Variants in RABGAP1L observed in about 807,000 individuals in gnomAD.
RABGAP1L encodes the protein RAB GTPase activating protein 1 like.
A neutral mutation model predicts 137.7 loss-of-function variants in RABGAP1L; 63 were observed. The ratio of observed to expected loss-of-function variants is 0.46; its 90% confidence interval spans 0.37 to 0.56. The LOEUF (loss-of-function observed/expected upper bound fraction) is 0.56. Among genes scored for constraint, RABGAP1L ranks in the 20% least tolerant of loss-of-function variants. RABGAP1L has a pLI of 0.00. For missense variants in RABGAP1L, 1,095 were observed against 1,244.0 expected, an observed-to-expected ratio of 0.88 and a Z score of 1.80; for synonymous variants, 431 against 433.7, an observed-to-expected ratio of 0.99 and a Z score of 0.08.
intron 19 of RABGAP1L, among the ~76,000 whole-genome samples, chr1:174,944,863 C>A (rs566727127): frequency 6.6e-6 from 1 of 152,200 alleles, no homozygotes; most frequent in East Asian, 1.9e-4. Flanking sequence ...ACATTAGTTT[C>A]AAATTAAATT....
intron 13 of RABGAP1L, among the ~76,000 whole-genome samples, chr1:174,472,650 T>C (rs1327691703): frequency 6.6e-6 from 1 of 152,180 alleles, no homozygotes; most frequent in Non-Finnish European, 1.5e-5. Flanking sequence ...TGTGAAAGTA[T>C]GGTAAAGTGT....
chr1:174,982,314 G>A (rs1671211462), intron 23 of RABGAP1L, among the ~76,000 whole-genome samples: 2 of 152,062 alleles, frequency 1.3e-5, no homozygotes. Flanking sequence ...GCCGCGGTGT[G>A]TGATGTTCCC....
At chr1:174,730,213 A>G (rs1374373396) in intron 17 of RABGAP1L, among the ~76,000 whole-genome samples, 2 of 152,308 alleles carry the variant, frequency 1.3e-5, no homozygotes, top group African/African-American at 4.8e-5. Flanking sequence ...CAGAAAGCCC[A>G]ATGCCTCATA....
Position 174,962,199 on chromosome 1 carries a change from C to A in RABGAP1L, c.2433+4650C>A, listed in dbSNP as rs865812651. 9.1e-4 allele frequency among the ~76,000 whole-genome samples: 113 copies of A among 123,968 alleles called. 9 individuals carry two copies. Among genetic ancestry groups the A allele is most frequent in the South Asian group, 8.4e-3 (29 of 3,448 alleles). 81.3% of individuals were successfully genotyped at this position (123,968 alleles called of 152,430 possible). A position where few individuals can be genotyped will look rare whatever the true frequency, so the allele number is the denominator to read the frequency against. On this transcript the variant is annotated intron_variant, in intron 20 of 25. Transcript: ENST00000681986. ...CAAAAAATAAAAATAAAAATACACC[C>A]CCCCCCCACACACACACACAGCTAG... is the stretch of plus-strand genomic sequence containing the variant.
chr1:174,808,710 A>G (rs1018636783), intron 18 of RABGAP1L, among the ~76,000 whole-genome samples: 5 of 150,716 alleles, frequency 3.3e-5, no homozygotes, highest in South Asian at 2.1e-4. Context: ...CTGGAGTGCA[A>G]TGGTGCAGTC....
chr1:174,635,902 A>C (rs1433412857), intron 13 of RABGAP1L, among the ~76,000 whole-genome samples: 2 of 152,284 alleles, frequency 1.3e-5, no homozygotes, highest in East Asian at 3.9e-4. Context: ...GAGAAAGAAA[A>C]ATGGCATTCA....
chr1:174,967,369 ACT>A (rs1250160185), intron 20 of RABGAP1L, among the ~76,000 whole-genome samples: 1 of 144,682 alleles, frequency 6.9e-6, no homozygotes, highest in Non-Finnish European at 1.5e-5. Flanking sequence ...AGTCTCACTA[ACT>A]CTGTCACCTA....
intron 12 of RABGAP1L, among the ~76,000 whole-genome samples, chr1:174,384,788 A>G (rs573194933): frequency 4.8e-4 from 73 of 152,300 alleles, no homozygotes; most frequent in African/African-American, 1.7e-3. Flanking sequence ...TAGGTGCTCA[A>G]TTCATATTTA....
chr1:174,276,109 A>C (rs1278355900), intron 9 of RABGAP1L, among the ~76,000 whole-genome samples, 174 bp downstream of exon 9: 1 of 152,094 alleles, frequency 6.6e-6, no homozygotes, highest in Non-Finnish European at 1.5e-5. Context: ...CCACTATTTA[A>C]AAAAATCCTC....
chr1:174,528,175 G>A (rs1318696359), intron 13 of RABGAP1L, among the ~76,000 whole-genome samples: 36 of 151,646 alleles, frequency 2.4e-4, no homozygotes, highest in Admixed American at 2.4e-3. Flanking sequence ...ACATTTTGTT[G>A]CTGTCATATA....
At chr1:174,398,963 TAATA>T (rs1277082127) in intron 13 of RABGAP1L, among the ~76,000 whole-genome samples, 1 of 152,190 alleles carries the variant, frequency 6.6e-6, no homozygotes, top group Non-Finnish European at 1.5e-5. Flanking sequence ...TCAGTTAGTA[TAATA>T]AATATTTTCA....
intron 13 of RABGAP1L, among the ~76,000 whole-genome samples, chr1:174,516,928 AAAATAAATAAATAAATAAAT>A (rs147145926): frequency 7.1e-6 from 1 of 141,100 alleles, no homozygotes; most frequent in African/African-American, 2.6e-5. Context: ...CTCTGTCTCA[AAAATAAATAAATAAATAAAT>A]AAATAAATAA....
intron 11 of RABGAP1L, among the ~76,000 whole-genome samples, chr1:174,325,037 T>C (rs1255408138): frequency 1.3e-5 from 2 of 152,206 alleles, no homozygotes; most frequent in Non-Finnish European, 2.9e-5. Flanking sequence ...TTGAGAATAC[T>C]GAATTATTTC....
At chr1:174,389,049 A>T (rs1378470663) in intron 12 of RABGAP1L, among the ~76,000 whole-genome samples, 3 of 151,880 alleles carry the variant, frequency 2.0e-5, no homozygotes, top group African/African-American at 7.3e-5. Flanking sequence ...TTTAGTAGGC[A>T]TTTTAATTGT....
At chr1:174,411,807 G>C (rs766143451) in intron 13 of RABGAP1L, among the ~76,000 whole-genome samples, 2 of 152,066 alleles carry the variant, frequency 1.3e-5, no homozygotes, top group African/African-American at 4.8e-5. Flanking sequence ...AGAGCTTTTT[G>C]ATACTGATTT....
chr1:174,580,870 C>T (rs1017945413), intron 13 of RABGAP1L, among the ~76,000 whole-genome samples: 1 of 152,120 alleles, frequency 6.6e-6, no homozygotes, highest in Non-Finnish European at 1.5e-5. Flanking sequence ...ATCAATATTT[C>T]TCCAAAGAGA....
rs747671420 is a variant in RABGAP1L, at chr1:174,664,730, C to CTTTTTTTTTTT, written c.1825-18789_1825-18788insTTTTTTTTTTT. Among the ~76,000 whole-genome samples the CTTTTTTTTTTT allele has an allele frequency of 2.7e-3, 266 of 98,870 alleles. 35 individuals are homozygous for CTTTTTTTTTTT. The highest frequency in any genetic ancestry group is 0.014 in the African/African-American group (223 of 15,646). 64.9% of individuals were successfully genotyped at this position (98,870 alleles called of 152,430 possible). A position where few individuals can be genotyped will look rare whatever the true frequency, so the allele number is the denominator to read the frequency against. ...CTCTCTCTTTCTTTCTTTCTTTCTG[C>CTTTTTTTTTTT]TTTCTTTTTTTTTTTTTTTTTTTTT... is the stretch of plus-strand genomic sequence containing the variant. On this transcript the variant is annotated intron_variant, in intron 14 of 25. Coordinates refer to ENST00000681986, the MANE Select transcript of RABGAP1L (RefSeq NM_001366446.1).
chr1:174,649,151 T>A (rs1435182231), intron 14 of RABGAP1L, among the ~76,000 whole-genome samples: 1 of 152,170 alleles, frequency 6.6e-6, no homozygotes, highest in African/African-American at 2.4e-5. Context: ...TGACTCTTTA[T>A]CCAATTTGCC....
intron 14 of RABGAP1L, among the ~76,000 whole-genome samples, chr1:174,644,068 T>G (rs1285859274): frequency 1.3e-5 from 2 of 151,794 alleles, no homozygotes; most frequent in African/African-American, 2.4e-5. Context: ...ATTTTGGGGG[T>G]TTTTTTGGTC....
Sources: allele counts gnomAD v4.1 joint callset (sites outside exome capture counted in the v4.1 genomes callset), GRCh38; gene constraint gnomAD v4.1.1; transcripts MANE v1.5; gene names NCBI Gene and HGNC (gene_info 2026-07-23, HGNC 2026-07-21).